AGTPBP1: variants seen among roughly 807,000 people sequenced by gnomAD.
AGTPBP1 encodes the protein ATP/GTP binding carboxypeptidase 1, also known as cytosolic carboxypeptidase 1.
In AGTPBP1, 70 loss-of-function variants were observed where a neutral mutation model predicts 143.9. The ratio of observed to expected loss-of-function variants is 0.49; its 90% CI spans 0.40 to 0.59. The LOEUF is 0.59. AGTPBP1 is among the 20% of genes least tolerant of loss of function. The pLI, the probability that AGTPBP1 is intolerant of heterozygous loss-of-function variation, is 0.00. For missense variants in AGTPBP1, 1,229 were observed against 1,464.5 expected (o/e 0.84, Z 2.62); for synonymous variants, 463 against 500.2 (o/e 0.93, Z 0.99).
At chr9:85,591,644 T>C (rs1828975034) in intron 19 of AGTPBP1, among the ~76,000 whole-genome samples, 2 of 152,200 alleles carry the variant, frequency 1.3e-5, no homozygotes, top group Non-Finnish European at 2.9e-5. Flanking sequence ...CAGAAAGATA[T>C]ATGAACATTG....
chr9:85,676,257 G>T (rs920774601), intron 6 of AGTPBP1, among the ~76,000 whole-genome samples: 8 of 151,906 alleles, frequency 5.3e-5, no homozygotes, highest in African/African-American at 1.9e-4. Flanking sequence ...ACAAAGTGAA[G>T]AGATAACCTA....
At chr9:85,581,733 T>A (rs965398733) in intron 23 of AGTPBP1, among the ~76,000 whole-genome samples, 3 of 152,218 alleles carry the variant, frequency 2.0e-5, no homozygotes, top group Admixed American at 1.3e-4. Flanking sequence ...CATATTTCCA[T>A]AGCATCATAT....
chr9:85,706,998 A>G (rs937656798), intron 2 of AGTPBP1, among the ~76,000 whole-genome samples: 3 of 152,198 alleles, frequency 2.0e-5, no homozygotes, highest in African/African-American at 7.2e-5. Context: ...CTTTAAATAT[A>G]AAGATAGAAA....
intron 13 of AGTPBP1, among the ~76,000 whole-genome samples, chr9:85,639,776 C>G (rs1832344511): frequency 6.6e-6 from 1 of 152,184 alleles, no homozygotes; most frequent in Non-Finnish European, 1.5e-5. Context: ...TTGATACTTT[C>G]ATTATTCTGC....
chr9:85,638,119 T>TA (rs35514571), intron 13 of AGTPBP1, among the ~76,000 whole-genome samples: 37,553 of 151,022 alleles, frequency 0.25, 5,214 homozygotes, highest in East Asian at 0.53. Context: ...TTATGTTTAG[T>TA]AAAAAAAAAG....
rs1335893097 is a variant in AGTPBP1, at chr9:85,672,591, A to G, written c.527T>C (p.Val176Ala). The change falls in exon 7 of 26, where the codon GTT (valine) becomes GCT (alanine). Residue 176 changes from valine to alanine, a missense_variant. Around this residue, in one of 2 missense-constraint regions of AGTPBP1, gnomAD observed 743 missense variants for 812.2 expected, o/e 0.91. Transcript: ENST00000357081. ...TCGTAAAAGCTGAAGGCAAGGTAGA[A>G]CCAAGCGATGATTCTGCAAATTCTG... is the stretch of plus-strand genomic sequence containing the variant. Reference protein sequence around the residue: ...VKQNLQNHRLVLPCLQLLRVY... With the variant: ...VKQNLQNHRLALPCLQLLRVY... 1.2e-6 allele frequency: 2 copies of G among 1,613,892 alleles called. No individual in the cohort carries two copies. The highest frequency in any genetic ancestry group is 3.3e-5 in the Admixed American group (2 of 59,990).
chr9:85,676,687 G>A (rs1293140958), intron 6 of AGTPBP1, among the ~76,000 whole-genome samples: 1 of 152,132 alleles, frequency 6.6e-6, no homozygotes, highest in Non-Finnish European at 1.5e-5. Context: ...CTACTGTTGG[G>A]TATATATCCA....
intron 14 of AGTPBP1, among the ~76,000 whole-genome samples, chr9:85,631,126 C>A (rs575705585): frequency 6.6e-6 from 1 of 152,184 alleles, no homozygotes; most frequent in Non-Finnish European, 1.5e-5. Flanking sequence ...CAGAGTACCC[C>A]ACTGGCAACC....
intron 17 of AGTPBP1, among the ~76,000 whole-genome samples, chr9:85,605,853 ATGT>A (rs1199863665): frequency 3.3e-5 from 5 of 152,040 alleles, no homozygotes; most frequent in African/African-American, 1.2e-4. Context: ...GGGTTACAAG[ATGT>A]TATCTGCAAG....
At chr9:85,795,838 CCT>C in the AGTPBP1 span, among the ~76,000 whole-genome samples, 1 of 145,828 alleles carries the variant, frequency 6.9e-6, no homozygotes. Flanking sequence ...GGTTTTTATC[CCT>C]TTCTTCTTCT....
chr9:85,736,691 T>C (rs1243053413), intron 1 of AGTPBP1, among the ~76,000 whole-genome samples: 1 of 152,220 alleles, frequency 6.6e-6, no homozygotes, highest in East Asian at 1.9e-4. Flanking sequence ...TGGGCCCCTG[T>C]GGTCCTGACA....
At chr9:85,577,196 CA>C (rs1287454300) in intron 24 of AGTPBP1, among the ~76,000 whole-genome samples, 1 of 152,174 alleles carries the variant, frequency 6.6e-6, no homozygotes, top group African/African-American at 2.4e-5. Flanking sequence ...TGGATGATTT[CA>C]GGGGCATCCA....
At chr9:85,641,764 G>A (rs112681551) in intron 13 of AGTPBP1, among the ~76,000 whole-genome samples, 5,483 of 151,868 alleles carry the variant, frequency 0.036, 357 homozygotes, top group African/African-American at 0.12. Context: ...GCAGTGGTGC[G>A]ATCTTGACTC....
At chr9:85,669,844 T>C (rs942414255) in intron 7 of AGTPBP1, among the ~76,000 whole-genome samples, 1 of 151,436 alleles carries the variant, frequency 6.6e-6, no homozygotes, top group Non-Finnish European at 1.5e-5. Context: ...TCAGTTACTC[T>C]ATATTTCTCT....
At chr9:85,757,501 G>C in the AGTPBP1 span, among the ~76,000 whole-genome samples, 1 of 151,632 alleles carries the variant, frequency 6.6e-6, no homozygotes, top group South Asian at 2.1e-4. Flanking sequence ...TACAAAAAAA[G>C]AAAAGATGGA....
At chr9:85,640,490 G>C (rs925418361) in intron 13 of AGTPBP1, among the ~76,000 whole-genome samples, 15 of 152,058 alleles carry the variant, frequency 9.9e-5, no homozygotes, top group Admixed American at 9.2e-4. Context: ...AGCATCTTTC[G>C]CTTAAAGAAA....
chr9:85,785,922 T>C, the AGTPBP1 span: 2 of 506,276 alleles, frequency 4.0e-6, no homozygotes, highest in African/African-American at 4.0e-5. Flanking sequence ...TGCCTGTAAG[T>C]GAAATAAAAA....
chr9:85,684,554 G>T (rs185245682), intron 3 of AGTPBP1, among the ~76,000 whole-genome samples: 2 of 150,626 alleles, frequency 1.3e-5, no homozygotes, highest in African/African-American at 2.4e-5. Context: ...TTTCTTTCTC[G>T]GTGAAGCTCC....
chr9:85,677,946 G>A (rs1834938152), intron 5 of AGTPBP1, among the ~76,000 whole-genome samples: 1 of 152,238 alleles, frequency 6.6e-6, no homozygotes, highest in African/African-American at 2.4e-5. Flanking sequence ...AGAGGTGGCA[G>A]TGGGCAGAGA....
Sources: allele counts gnomAD v4.1 joint callset (sites outside exome capture counted in the v4.1 genomes callset), GRCh38; gene constraint gnomAD v4.1.1; regional missense constraint gnomAD v4.1.1; transcripts MANE v1.5; gene names NCBI Gene and HGNC (gene_info 2026-07-23, HGNC 2026-07-21).